ARHGAP15: variants seen among roughly 807,000 people sequenced by gnomAD.
ARHGAP15 encodes the protein rho GTPase-activating protein 15.
A neutral mutation model predicts 63.7 loss-of-function variants in ARHGAP15; 51 were observed. The observed-to-expected ratio is 0.80, with a 90% CI of 0.64 to 1.01. ARHGAP15 has a LOEUF of 1.01. Ranked by LOEUF, ARHGAP15 falls within the 50% of genes least tolerant of loss-of-function variation. ARHGAP15 has a pLI of 0.00. For synonymous variants in ARHGAP15, 191 were observed against 193.8 expected (o/e 0.99, Z 0.12); for missense variants, 560 against 564.6 (o/e 0.99, Z 0.08).
At chr2:143,141,239 G>A (rs969897088) in intron 1 of ARHGAP15, among the ~76,000 whole-genome samples, 1 of 152,228 alleles carries the variant, frequency 6.6e-6, no homozygotes, top group African/African-American at 2.4e-5. Context: ...TGCTGGAAAT[G>A]CTCATGGCCT....
At chr2:143,529,963 C>A (rs1694452863) in intron 10 of ARHGAP15, among the ~76,000 whole-genome samples, 1 of 152,034 alleles carries the variant, frequency 6.6e-6, no homozygotes, top group African/African-American at 2.4e-5. Flanking sequence ...TCACCCCGTC[C>A]CCACAGTGCT....
chr2:143,303,004 TG>T (rs1682978769), intron 6 of ARHGAP15, among the ~76,000 whole-genome samples: 1 of 152,010 alleles, frequency 6.6e-6, no homozygotes, highest in African/African-American at 2.4e-5. Context: ...TAAAGCAGAT[TG>T]GGCTGAAAGT....
intron 12 of ARHGAP15, among the ~76,000 whole-genome samples, chr2:143,697,999 A>G (rs1263051612): frequency 1.3e-5 from 2 of 152,190 alleles, no homozygotes; most frequent in Non-Finnish European, 2.9e-5. Flanking sequence ...TTTCAGAATA[A>G]CTTTCAGAAG....
intron 8 of ARHGAP15, among the ~76,000 whole-genome samples, chr2:143,447,898 T>C (rs1690219367): frequency 6.6e-6 from 1 of 152,152 alleles, no homozygotes; most frequent in African/African-American, 2.4e-5. Context: ...ATGGGTGTTT[T>C]GGTTTGGGTT....
chr2:143,743,158 T>C (rs112920215), intron 13 of ARHGAP15, among the ~76,000 whole-genome samples: 8 of 152,172 alleles, frequency 5.3e-5, no homozygotes, highest in African/African-American at 1.4e-4. Flanking sequence ...GATTCTAAAC[T>C]CAGGTGAGCC....
chr2:143,360,592 A>T (rs2105334399), intron 6 of ARHGAP15, among the ~76,000 whole-genome samples: 1 of 152,292 alleles, frequency 6.6e-6, no homozygotes, highest in Non-Finnish European at 1.5e-5. Flanking sequence ...AGGAAACCTG[A>T]GTTTGCATTC....
At chr2:143,451,401 G>T (rs978305102) in intron 8 of ARHGAP15, among the ~76,000 whole-genome samples, 2 of 151,808 alleles carry the variant, frequency 1.3e-5, no homozygotes, top group Admixed American at 1.3e-4. Context: ...AGCACTTCAA[G>T]AAGACAGAGG....
intron 6 of ARHGAP15, among the ~76,000 whole-genome samples, chr2:143,379,367 G>GTA (rs1686956070): frequency 1.3e-5 from 2 of 151,824 alleles, no homozygotes; most frequent in Non-Finnish European, 2.9e-5. Flanking sequence ...ATGTGTGTGT[G>GTA]TATACATTTG....
At position 143,758,705 on chromosome 2, in the gene ARHGAP15, A is replaced by C. The variant is rs187110627; in HGVS notation, c.1245-9284A>C. 3.5e-4 allele frequency among the ~76,000 whole-genome samples: 54 copies of C among 152,266 alleles called. 1 individual carries two copies. The highest frequency in any genetic ancestry group is 6.8e-3 in the Middle Eastern group (2 of 294). Reference sequence around the variant, plus strand: ...ACCAAATTATAATACTGCTAACAGGACTAATAGGCCCTCCCACATGTTATG... The same window carrying C: ...ACCAAATTATAATACTGCTAACAGGCCTAATAGGCCCTCCCACATGTTATG... On this transcript the variant is annotated intron_variant, in intron 13 of 13. Coordinates refer to ENST00000295095, the MANE Select transcript of ARHGAP15 (RefSeq NM_018460.4).
intron 13 of ARHGAP15, among the ~76,000 whole-genome samples, chr2:143,723,198 C>T (rs1236436510): frequency 6.6e-6 from 1 of 152,210 alleles, no homozygotes; most frequent in Non-Finnish European, 1.5e-5. Context: ...TGTGTAAGTA[C>T]ACCCTATAAT....
chr2:143,148,035 T>C (rs1287109737), intron 1 of ARHGAP15, among the ~76,000 whole-genome samples: 1 of 152,000 alleles, frequency 6.6e-6, no homozygotes, highest in Non-Finnish European at 1.5e-5. Flanking sequence ...TCCCAATTCT[T>C]TAATAAAAAT....
At chr2:143,622,679 G>A (rs148864982) in intron 11 of ARHGAP15, among the ~76,000 whole-genome samples, 160 of 150,782 alleles carry the variant, frequency 1.1e-3, no homozygotes, top group African/African-American at 3.4e-3. Context: ...AGATTAGCCC[G>A]TCTGAAATAA....
chr2:143,515,713 T>C (rs1411733839), intron 9 of ARHGAP15, among the ~76,000 whole-genome samples: 1 of 152,198 alleles, frequency 6.6e-6, no homozygotes, highest in Non-Finnish European at 1.5e-5. Context: ...TGATTTTCAC[T>C]TTCTGTCATA....
At chr2:143,254,795 T>A (rs995454533) in intron 6 of ARHGAP15, among the ~76,000 whole-genome samples, 1 of 152,080 alleles carries the variant, frequency 6.6e-6, no homozygotes, top group African/African-American at 2.4e-5. Flanking sequence ...TGAACACTTT[T>A]TAGCTGAATA....
At chr2:143,426,218 TTAGAC>T (rs1195179025) in intron 6 of ARHGAP15, among the ~76,000 whole-genome samples, 2 of 152,290 alleles carry the variant, frequency 1.3e-5, no homozygotes, top group South Asian at 2.1e-4. Context: ...TCATTTATCT[TTAGAC>T]TATATCACCA....
intron 5 of ARHGAP15, chr2:143,235,833 T>C (rs2104931550): frequency 7.7e-7 from 1 of 1,294,224 alleles, no homozygotes; most frequent in East Asian, 2.8e-5. Flanking sequence ...CTCACACTCC[T>C]TGTATTTTTC....
intron 13 of ARHGAP15, among the ~76,000 whole-genome samples, chr2:143,726,087 C>T (rs1213052137): frequency 1.3e-5 from 2 of 152,186 alleles, no homozygotes; most frequent in African/African-American, 2.4e-5. Flanking sequence ...AATATTTCAG[C>T]ATTGCCAGAT....
intron 6 of ARHGAP15, among the ~76,000 whole-genome samples, chr2:143,432,634 C>T (rs1689437630): frequency 6.6e-6 from 1 of 152,016 alleles, no homozygotes; most frequent in South Asian, 2.1e-4. Flanking sequence ...GCTCAGTGGA[C>T]ACGCTTCTAT....
intron 6 of ARHGAP15, among the ~76,000 whole-genome samples, chr2:143,277,828 T>C (rs1271900472): frequency 6.6e-6 from 1 of 152,114 alleles, no homozygotes; most frequent in East Asian, 1.9e-4. Flanking sequence ...ATATGGTTTA[T>C]TTAGAGAAAA....
Sources: allele counts gnomAD v4.1 joint callset (sites outside exome capture counted in the v4.1 genomes callset), GRCh38; gene constraint gnomAD v4.1.1; transcripts MANE v1.5; gene names NCBI Gene and HGNC (gene_info 2026-07-23, HGNC 2026-07-21).